Variants in PTTG1IP2 observed in about 807,000 individuals in gnomAD.
PTTG1IP2 encodes the protein PTTG1IP family member 2.
intron 6 of PTTG1IP2, among the ~76,000 whole-genome samples, chr7:90,507,729 C>A (rs1201670623): frequency 6.6e-6 from 1 of 152,052 alleles, no homozygotes; most frequent in African/African-American, 2.4e-5. Flanking sequence ...GGAAACAATG[C>A]TACAAAAGCT....
intron 1 of PTTG1IP2, among the ~76,000 whole-genome samples, chr7:90,478,128 A>T (rs1797773153): frequency 6.6e-6 from 1 of 151,890 alleles, no homozygotes; most frequent in African/African-American, 2.4e-5. Flanking sequence ...AAAAAGAAAA[A>T]ATTGGAAAAC....
chr7:90,492,271 GACGAGA>G lies in PTTG1IP2; in HGVS notation c.415_420del (p.Arg139_Glu140del), dbSNP rs1355801890. ...AGAAATCGTGTCTATTTTTATGGAA[GACGAGA>G]AACAGTTCCTATTCACGACCGCAGT... is the stretch of plus-strand genomic sequence containing the variant. On this transcript the variant is annotated inframe_deletion, in exon 5 of 7. Transcript: ENST00000509356. 2.0e-5 allele frequency: 3 copies of G among 152,198 alleles called. No homozygotes were observed. Among genetic ancestry groups the G allele is most frequent in the Admixed American group, 2.0e-4 (3 of 15,282 alleles). 9.4% of individuals were successfully genotyped at this position (152,198 alleles called of 1,614,324 possible).
At chr7:90,478,905 G>A (rs936035472) in intron 1 of PTTG1IP2, among the ~76,000 whole-genome samples, 7 of 151,544 alleles carry the variant, frequency 4.6e-5, no homozygotes, top group African/African-American at 1.7e-4. Flanking sequence ...CTGAATAACA[G>A]CACATGATAT....
chr7:90,509,113 CTT>C (rs34626171), intron 6 of PTTG1IP2, among the ~76,000 whole-genome samples: 17 of 136,462 alleles, frequency 1.2e-4, no homozygotes, highest in South Asian at 2.4e-4. Context: ...AATGTGAAGG[CTT>C]TTTTTTTTTT....
chr7:90,482,718 T>C (rs997291652), intron 2 of PTTG1IP2, among the ~76,000 whole-genome samples: 1 of 152,054 alleles, frequency 6.6e-6, no homozygotes, highest in Admixed American at 6.6e-5. Context: ...TGATAAGACT[T>C]GTCATAAGTA....
At chr7:90,472,871 TA>T (rs1264168249) in intron 1 of PTTG1IP2, among the ~76,000 whole-genome samples, 7 of 152,256 alleles carry the variant, frequency 4.6e-5, no homozygotes, top group African/African-American at 1.4e-4. Context: ...AGGCAGGTAT[TA>T]GGAGGATTAC....
chr7:90,501,863 A>C (rs373584030), intron 6 of PTTG1IP2, among the ~76,000 whole-genome samples: 3 of 152,208 alleles, frequency 2.0e-5, no homozygotes, highest in Non-Finnish European at 4.4e-5. Flanking sequence ...CTTTCATTAA[A>C]GATTTCTTTG....
chr7:90,485,508 A>G (rs556001717), intron 2 of PTTG1IP2, among the ~76,000 whole-genome samples: 1 of 152,320 alleles, frequency 6.6e-6, no homozygotes, highest in Non-Finnish European at 1.5e-5. Flanking sequence ...AGAAAGCCGG[A>G]TAACAACAGT....
chr7:90,489,684 A>G (rs1412502167), intron 4 of PTTG1IP2, among the ~76,000 whole-genome samples: 1 of 151,920 alleles, frequency 6.6e-6, no homozygotes, highest in Non-Finnish European at 1.5e-5. Flanking sequence ...TTTGTTAACT[A>G]CTAAAAAGGA....
intron 6 of PTTG1IP2, among the ~76,000 whole-genome samples, chr7:90,497,150 A>C (rs1562988102): frequency 6.6e-6 from 1 of 152,204 alleles, no homozygotes. Flanking sequence ...GAAGAATGTC[A>C]GTCAGGTGCA....
chr7:90,496,850 A>G (rs1346775006), intron 6 of PTTG1IP2, among the ~76,000 whole-genome samples: 1 of 152,132 alleles, frequency 6.6e-6, no homozygotes, highest in African/African-American at 2.4e-5. Context: ...TCTAAGAATT[A>G]CTTTTGCTGC....
At chr7:90,482,680 A>G (rs1797826815) in intron 2 of PTTG1IP2, among the ~76,000 whole-genome samples, 1 of 152,174 alleles carries the variant, frequency 6.6e-6, no homozygotes, top group Admixed American at 6.5e-5. Flanking sequence ...AATCCTTGGA[A>G]CGAAAGTTCT....
At chr7:90,505,472 A>T (rs932262930) in intron 6 of PTTG1IP2, among the ~76,000 whole-genome samples, 3 of 152,228 alleles carry the variant, frequency 2.0e-5, no homozygotes, top group African/African-American at 7.2e-5. Flanking sequence ...GTCTTTTGGT[A>T]AATATATGCT....
chr7:90,487,163 G>A (rs1181606304), intron 2 of PTTG1IP2, among the ~76,000 whole-genome samples, 164 bp from the exon 3 acceptor site: 1 of 152,140 alleles, frequency 6.6e-6, no homozygotes, highest in African/African-American at 2.4e-5. Context: ...GGATGCATGG[G>A]TCTGACAAAG....
At chr7:90,504,722 A>C (rs1346815570) in intron 6 of PTTG1IP2, among the ~76,000 whole-genome samples, 1 of 152,226 alleles carries the variant, frequency 6.6e-6, no homozygotes, top group Non-Finnish European at 1.5e-5. Flanking sequence ...GATTTTTAAA[A>C]GATATCAAAT....
intron 6 of PTTG1IP2, among the ~76,000 whole-genome samples, chr7:90,506,082 A>G (rs1798121890): frequency 6.6e-6 from 1 of 151,660 alleles, no homozygotes; most frequent in Admixed American, 6.6e-5. Flanking sequence ...TGGTAATTAC[A>G]CACTTACAAT....
chr7:90,507,307 TCTC>T lies in PTTG1IP2; in HGVS notation c.*51-5968_*51-5966del, dbSNP rs1362253030. 2.0e-5 allele frequency among the ~76,000 whole-genome samples: 3 copies of T among 152,112 alleles called. No homozygotes were observed. The East Asian group carries it at 5.8e-4, about 29-fold the overall frequency. ...GGCAATGCATTTTTCTCAAGGGACT[TCTC>T]CTAAAATGTGACAAGCATTTTTGAG... On this transcript the variant is annotated intron_variant, in intron 6 of 6. Transcript: ENST00000509356.
chr7:90,511,740 A>G (rs1301269934), intron 6 of PTTG1IP2, among the ~76,000 whole-genome samples: 1 of 152,130 alleles, frequency 6.6e-6, no homozygotes, highest in Admixed American at 6.5e-5. Flanking sequence ...TGTTTTACTC[A>G]ATAGAGTATA....
At chr7:90,480,517 A>G (rs1187758506) in intron 2 of PTTG1IP2, among the ~76,000 whole-genome samples, 1 of 152,142 alleles carries the variant, frequency 6.6e-6, no homozygotes, top group Non-Finnish European at 1.5e-5. Context: ...CTTCCCCTCT[A>G]AATGTATTAT....
Sources: gnomAD v4.1 joint callset for allele counts (sites outside exome capture counted in the v4.1 genomes callset) on GRCh38, gnomAD v4.1.1 for gene constraint, MANE v1.5 for transcripts, NCBI Gene and HGNC (gene_info 2026-07-23, HGNC 2026-07-21) for gene names.